ARHGAP26: variants seen among roughly 807,000 people sequenced by gnomAD.
ARHGAP26 encodes rho GTPase-activating protein 26.
Under a neutral mutation model 104.8 loss-of-function variants are expected in ARHGAP26, and 38 were observed. The observed-to-expected ratio is 0.36, with a 90% CI of 0.28 to 0.48. The LOEUF (loss-of-function observed/expected upper bound fraction) is 0.48. Ranked by LOEUF, ARHGAP26 falls within the 20% of genes least tolerant of loss-of-function variation. The probability of loss-of-function intolerance (pLI) is 0.99; values close to 1 mark genes in which losing one functional copy is unlikely to be tolerated. For missense variants in ARHGAP26, 704 were observed against 947.9 expected (o/e 0.74, Z 3.38); for synonymous variants, 341 against 340.0 (o/e 1.00, Z -0.03).
rs534430677 is a variant in ARHGAP26 at position 142,859,206 on chromosome 5, G to A, written c.155-14194G>A. On this transcript the variant is annotated intron_variant, in intron 1 of 22. Coordinates refer to ENST00000645722, the MANE Select transcript of ARHGAP26 (RefSeq NM_001135608.3). The stretch of plus-strand genomic sequence containing the variant: ...TGGGAAGCATCAGGAGGGAAGCGGG[G>A]AGGCCAATTAGGAGTCCAGGCCAGA... Among the ~76,000 whole-genome samples, 3 of 152,262 alleles carry A rather than the reference G, an allele frequency of 2.0e-5. No homozygotes were observed. In the South Asian group the frequency reaches 6.2e-4, roughly 32 times the overall value.
chr5:142,942,922 G>C (rs1766583515), intron 11 of ARHGAP26, among the ~76,000 whole-genome samples: 1 of 152,148 alleles, frequency 6.6e-6, no homozygotes, highest in Admixed American at 6.5e-5. Context: ...TGGTATTACA[G>C]GCACGTGCCA....
At chr5:142,954,551 C>A (rs1474297165) in intron 11 of ARHGAP26, among the ~76,000 whole-genome samples, 1 of 152,214 alleles carries the variant, frequency 6.6e-6, no homozygotes, top group Non-Finnish European at 1.5e-5. Flanking sequence ...CCTTGTTAGT[C>A]CACACTCCCT....
rs1272272867 is a variant in ARHGAP26, at chr5:143,227,797, G to A, written c.*5351G>A. The A allele has an allele frequency of 1.3e-5, 3 of 222,606 alleles. No individual in the cohort carries two copies. Among genetic ancestry groups the A allele is most frequent in the African/African-American group, 6.7e-5 (3 of 44,644 alleles). 13.8% of individuals were successfully genotyped at this position (222,606 alleles called of 1,614,324 possible). On this transcript the variant is annotated 3_prime_UTR_variant, in exon 23 of 23. Transcript: ENST00000645722. ...CAGGACTAGAGAGAAAGAGAAAGGT[G>A]AACCATCCTAAGGAGCTTTGGATAC... is the stretch of plus-strand genomic sequence containing the variant.
chr5:142,875,843 C>T (rs980338635), intron 3 of ARHGAP26, among the ~76,000 whole-genome samples: 11 of 152,182 alleles, frequency 7.2e-5, no homozygotes, highest in East Asian at 1.9e-4. Flanking sequence ...TGGGCTCAAG[C>T]GATCCTCCTG....
rs1195352126 is a variant in ARHGAP26, at chr5:142,890,152, ATATATATATAT to A, written c.487-4085_487-4075del. Among the ~76,000 whole-genome samples, 54 of 21,948 alleles carry A rather than the reference ATATATATATAT, an allele frequency of 2.5e-3. 1 individual carries two copies. The highest frequency in any genetic ancestry group is 5.7e-3 in the African/African-American group (44 of 7,672). The allele number at this position is 21,948 out of a possible 152,430, so 14.4% of individuals were successfully genotyped here. ...ACTCCGTCTTAAAAAAAAAAAAAAA[ATATATATATAT>A]ATATATATATATATATATATATATA... On this transcript the variant is annotated intron_variant, in intron 5 of 22. Coordinates refer to ENST00000645722, the MANE Select transcript of ARHGAP26 (RefSeq NM_001135608.3).
chr5:142,838,089 T>A (rs1016930732), intron 1 of ARHGAP26, among the ~76,000 whole-genome samples: 1 of 151,860 alleles, frequency 6.6e-6, no homozygotes, highest in Non-Finnish European at 1.5e-5. Context: ...TGAAACCCCG[T>A]CTACTAAAAA....
chr5:143,200,337 A>T (rs908754835), intron 20 of ARHGAP26, among the ~76,000 whole-genome samples: 2 of 152,226 alleles, frequency 1.3e-5, no homozygotes, highest in South Asian at 2.1e-4. Flanking sequence ...TCAGGAATTT[A>T]TGCTAAGGAA....
chr5:142,776,301 T>G (rs1756308523), intron 1 of ARHGAP26, among the ~76,000 whole-genome samples: 1 of 152,128 alleles, frequency 6.6e-6, no homozygotes, highest in African/African-American at 2.4e-5. Context: ...TATAATTCAG[T>G]GGTTTGTAGT....
At chr5:142,836,378 CT>C (rs945448029) in intron 1 of ARHGAP26, among the ~76,000 whole-genome samples, 1 of 152,150 alleles carries the variant, frequency 6.6e-6, no homozygotes, top group Non-Finnish European at 1.5e-5. Context: ...AGAGATGTTC[CT>C]TTTTCCCAAT....
chr5:143,006,089 G>A (rs1164884261), intron 11 of ARHGAP26, among the ~76,000 whole-genome samples: 1 of 152,176 alleles, frequency 6.6e-6, no homozygotes, highest in East Asian at 1.9e-4. Context: ...CTATGTGAGG[G>A]ATTTTGATAG....
chr5:142,962,959 C>A (rs1302387904), intron 11 of ARHGAP26, among the ~76,000 whole-genome samples: 15 of 151,862 alleles, frequency 9.9e-5, no homozygotes, highest in African/African-American at 3.6e-4. Context: ...CTCCCACCCT[C>A]CACTCTCAAG....
At chr5:142,842,377 C>T (rs530637491) in intron 1 of ARHGAP26, among the ~76,000 whole-genome samples, 1 of 152,318 alleles carries the variant, frequency 6.6e-6, no homozygotes, top group South Asian at 2.1e-4. Flanking sequence ...GTGGCCGCTT[C>T]TTCCATTCCT....
At chr5:142,861,766 G>A (rs1753401251) in intron 1 of ARHGAP26, among the ~76,000 whole-genome samples, 1 of 152,212 alleles carries the variant, frequency 6.6e-6, no homozygotes, top group Non-Finnish European at 1.5e-5. Context: ...AGCCTCAGGA[G>A]GCAGGTTTCC....
chr5:142,914,628 C>T (rs1762250612), intron 10 of ARHGAP26, among the ~76,000 whole-genome samples: 1 of 152,104 alleles, frequency 6.6e-6, no homozygotes, highest in Admixed American at 6.5e-5. Flanking sequence ...CTTCTAAACA[C>T]AGAGAGGTAC....
chr5:143,151,285 G>A (rs1799810007), intron 20 of ARHGAP26, among the ~76,000 whole-genome samples: 1 of 152,196 alleles, frequency 6.6e-6, no homozygotes, highest in African/African-American at 2.4e-5. Context: ...TGCTGGCTAG[G>A]ATGTGGAGCA....
Position 142,871,549 on chromosome 5 carries a change from T to C in ARHGAP26, c.155-1851T>C, listed in dbSNP as rs1352141272. 1.3e-5 allele frequency among the ~76,000 whole-genome samples: 2 copies of C among 152,242 alleles called. No homozygotes were observed. Among genetic ancestry groups the C allele is most frequent in the Non-Finnish European group, 2.9e-5 (2 of 68,036 alleles). ...ACATTCTGACTAAAATGGGAATGTG[T>C]ATAACCACACCCACATTTGATGCAC... On this transcript the variant is annotated intron_variant, in intron 1 of 22. Transcript: ENST00000645722. The surrounding 1 kb of genome is among the most constrained non-coding windows in gnomAD (Gnocchi z 4.1).
intron 5 of ARHGAP26, among the ~76,000 whole-genome samples, chr5:142,890,555 A>G (rs1342771995): frequency 6.6e-6 from 1 of 151,964 alleles, no homozygotes; most frequent in Non-Finnish European, 1.5e-5. Context: ...TTAGATTTTA[A>G]GGAAGATATT....
intron 11 of ARHGAP26, among the ~76,000 whole-genome samples, chr5:142,937,124 C>A: frequency 6.6e-6 from 1 of 151,722 alleles, no homozygotes; most frequent in East Asian, 1.9e-4. Context: ...AACATATATC[C>A]GATAAGGGAC....
intron 17 of ARHGAP26, among the ~76,000 whole-genome samples, chr5:143,082,401 C>T (rs999585842): frequency 2.6e-5 from 4 of 152,126 alleles, no homozygotes; most frequent in Non-Finnish European, 5.9e-5. Context: ...TGAGGAATAA[C>T]AATTTATGCC....
Sources: allele counts gnomAD v4.1 joint callset (sites outside exome capture counted in the v4.1 genomes callset), GRCh38; gene constraint gnomAD v4.1.1; non-coding constraint Gnocchi (gnomAD v3.1); transcripts MANE v1.5; gene names NCBI Gene and HGNC (gene_info 2026-07-23, HGNC 2026-07-21).